Variants in COL4A1 observed in about 807,000 individuals in gnomAD.
COL4A1 encodes the protein collagen type IV alpha 1 chain.
In COL4A1, 40 loss-of-function variants were observed where a neutral mutation model predicts 216.6. That is an observed-to-expected ratio of 0.18 (90% confidence interval 0.14 to 0.24). The LOEUF is 0.24. Among genes scored for constraint, COL4A1 ranks in the 10% least tolerant of loss-of-function variants. COL4A1 has a pLI of 1.00. For synonymous variants in COL4A1, 839 were observed against 810.7 expected (o/e 1.03, Z -0.59); for missense variants, 1,628 against 2,196.8 (o/e 0.74, Z 5.18).
chr13:110,224,649 T>G (rs111696440), intron 2 of COL4A1, among the ~76,000 whole-genome samples: 1,639 of 152,344 alleles, frequency 0.011, 16 homozygotes, highest in Non-Finnish European at 0.015. Flanking sequence ...AAAGACACTT[T>G]GCTTTATTTT....
chr13:110,212,643 G>A, intron 4 of COL4A1, 25 bp from the exon 5 acceptor site: 1 of 1,613,208 alleles, frequency 6.2e-7, no homozygotes, highest in Non-Finnish European at 8.5e-7. Flanking sequence ...GTAAAAGCGT[G>A]TCAGTGAAGA....
In COL4A1 at chr13:110,152,321, T is replaced by C. The variant is rs534191264; in HGVS notation, c.4928+13A>G. ...GGGCCAGCAGCCTGCAAAAAAGCAG[T>C]GCTCCCACTTACTTGAACATCTCGC... On this transcript the variant is annotated intron_variant, in intron 51 of 51. Transcript: ENST00000375820. 3 of 1,613,912 alleles carry C rather than the reference T, an allele frequency of 1.9e-6. No homozygotes were observed. Among genetic ancestry groups the C allele is most frequent in the Admixed American group, 1.7e-5 (1 of 60,006 alleles).
chr13:110,289,275 A>G (rs576812354), intron 1 of COL4A1, among the ~76,000 whole-genome samples: 2 of 152,074 alleles, frequency 1.3e-5, no homozygotes, highest in South Asian at 4.1e-4. Context: ...GATGAGTTCC[A>G]GCTCTAGCAC....
intron 2 of COL4A1, 106 bp from the exon 3 acceptor site, chr13:110,214,121 T>A: frequency 2.1e-5 from 18 of 864,892 alleles, no homozygotes; most frequent in Non-Finnish European, 3.5e-5. Context: ...TGAGATGGAG[T>A]CTCATTCTGT....
chr13:110,260,853 C>T (rs7320502), intron 1 of COL4A1, among the ~76,000 whole-genome samples: 102,302 of 151,646 alleles, frequency 0.67, 35,595 homozygotes, highest in African/African-American at 0.85. Flanking sequence ...ATGGAGACCA[C>T]GGTGAAACCT....
chr13:110,246,827 G>C (rs1881835774), intron 1 of COL4A1, among the ~76,000 whole-genome samples: 1 of 152,184 alleles, frequency 6.6e-6, no homozygotes, highest in African/African-American at 2.4e-5. Flanking sequence ...GGGTCAATGA[G>C]TTCCAAGTTC....
At chr13:110,217,200 G>C (rs1027171351) in intron 2 of COL4A1, among the ~76,000 whole-genome samples, 4 of 152,238 alleles carry the variant, frequency 2.6e-5, no homozygotes, top group African/African-American at 9.6e-5. Context: ...CAGCTATACA[G>C]TTAGCTGGCG....
In COL4A1 at chr13:110,282,578, G is replaced by T. The variant is rs150237348; in HGVS notation, c.84+24366C>A. 1.6e-3 allele frequency among the ~76,000 whole-genome samples: 246 copies of T among 152,320 alleles called. 1 individual carries two copies. The highest frequency in any genetic ancestry group is 5.6e-3 in the African/African-American group (234 of 41,572). ...CTACCAGTCAAGGATGGCTGCAGGA[G>T]CTCTGAATTGGGGAGAATTTTGAGG... is the stretch of plus-strand genomic sequence containing the variant. On this transcript the variant is annotated intron_variant, in intron 1 of 51. Transcript: ENST00000375820.
At position 110,174,471 on chromosome 13, in the gene COL4A1, G is replaced by A. The variant is rs770236110; in HGVS notation, c.3381C>T (p.Gly1127=). 3.7e-6 allele frequency: 6 copies of A among 1,614,130 alleles called. No individual in the cohort carries two copies. Among genetic ancestry groups the A allele is most frequent in the Non-Finnish European group, 5.1e-6 (6 of 1,180,026 alleles). The change falls in exon 39 of 52, where the codon GGC becomes GGT. Residue 1127 remains glycine, a synonymous_variant. Coordinates refer to ENST00000375820, the MANE Select transcript of COL4A1 (RefSeq NM_001845.6). ...KGDKGLPGLD[G]IPGVKGEAGL... is the part of the protein sequence containing the mutation. ...CTGCTTCTCCTTTGACACCAGGGAT[G>A]CCATCCAATCCTGGGAGGCCTTTGT...
chr13:110,218,806 A>G (rs1029770670), intron 2 of COL4A1, among the ~76,000 whole-genome samples: 3 of 152,170 alleles, frequency 2.0e-5, no homozygotes, highest in Non-Finnish European at 2.9e-5. Flanking sequence ...GCTTTCTGTC[A>G]TCTAGCGCCT....
At chr13:110,167,411 C>T (rs577947866) in intron 43 of COL4A1, among the ~76,000 whole-genome samples, 181 bp from the exon 44 acceptor site, 16 of 152,298 alleles carry the variant, frequency 1.1e-4, no homozygotes, top group African/African-American at 3.6e-4. Context: ...GTGCCTCAAT[C>T]GGGAAGCTGG....
intron 6 of COL4A1, 137 bp from the exon 7 acceptor site, chr13:110,212,059 T>TTTTTA: frequency 1.1e-6 from 1 of 918,226 alleles, no homozygotes; most frequent in Non-Finnish European, 1.8e-6. Flanking sequence ...TCACAAGCTG[T>TTTTTA]GCTACTGGGT....
chr13:110,252,776 CAT>C (rs949399146), intron 1 of COL4A1, among the ~76,000 whole-genome samples: 2 of 97,928 alleles, frequency 2.0e-5, no homozygotes, highest in African/African-American at 3.7e-5. Context: ...ATCATATAAA[CAT>C]ATAATTATAA....
At chr13:110,162,802 C>T (rs1877146978) in intron 47 of COL4A1, among the ~76,000 whole-genome samples, 1 of 152,202 alleles carries the variant, frequency 6.6e-6, no homozygotes, top group Non-Finnish European at 1.5e-5. Flanking sequence ...ATGTCATTCA[C>T]ACGGAATCGT....
intron 15 of COL4A1, 144 bp downstream of exon 15, chr13:110,206,521 G>A (rs1010556490): frequency 1.1e-6 from 1 of 914,722 alleles, no homozygotes; most frequent in Non-Finnish European, 1.8e-6. Context: ...GCTCAGGAGA[G>A]TCTCGGAAAA....
At chr13:110,199,935 TG>T (rs1879098372) in intron 20 of COL4A1, among the ~76,000 whole-genome samples, 1 of 151,894 alleles carries the variant, frequency 6.6e-6, no homozygotes, top group African/African-American at 2.4e-5. Flanking sequence ...AGAGAGAAAG[TG>T]GGAGTGGACG....
chr13:110,233,585 T>C (rs1366013465), intron 2 of COL4A1, among the ~76,000 whole-genome samples: 1 of 152,050 alleles, frequency 6.6e-6, no homozygotes, highest in Non-Finnish European at 1.5e-5. Flanking sequence ...TACACGCACA[T>C]TGGGAAAAGC....
intron 1 of COL4A1, among the ~76,000 whole-genome samples, chr13:110,274,892 A>T (rs544282354): frequency 1.3e-5 from 2 of 152,174 alleles, no homozygotes; most frequent in African/African-American, 4.8e-5. Flanking sequence ...GCACTGAGGG[A>T]CTTTCTACTT....
chr13:110,241,343 T>C (rs1566405645), intron 2 of COL4A1, among the ~76,000 whole-genome samples: 1 of 152,224 alleles, frequency 6.6e-6, no homozygotes, highest in Non-Finnish European at 1.5e-5. Context: ...CCAGCCCTGC[T>C]GCTTTCAAAG....
Sources: allele counts gnomAD v4.1 joint callset (sites outside exome capture counted in the v4.1 genomes callset), GRCh38; gene constraint gnomAD v4.1.1; transcripts MANE v1.5; gene names NCBI Gene and HGNC (gene_info 2026-07-23, HGNC 2026-07-21).